The following TTC23 variants were observed in gnomAD, a reference collection of about 807,000 sequenced individuals.
TTC23 encodes the protein tetratricopeptide repeat protein 23.
Under a neutral mutation model 55.1 loss-of-function variants are expected in TTC23, and 58 were observed. The ratio of observed to expected loss-of-function variants is 1.05; its 90% CI spans 0.85 to 1.31. The LOEUF (loss-of-function observed/expected upper bound fraction) is 1.31, where lower values mean the gene tolerates loss of function less well. TTC23 is among the 50% of genes most tolerant of loss of function. The pLI is 0.00. For missense variants in TTC23, 516 were observed against 534.4 expected (o/e 0.97, Z 0.34); for synonymous variants, 203 against 199.9 (o/e 1.02, Z -0.13).
chr15:99,237,068 G>A (rs1020836142), intron 3 of TTC23, among the ~76,000 whole-genome samples: 6 of 150,402 alleles, frequency 4.0e-5, no homozygotes, highest in African/African-American at 9.8e-5. Context: ...TGCAACCTTC[G>A]CCTCCTGGGT....
In TTC23 at chr15:99,200,098, T is replaced by TA. The variant is rs777609097; in HGVS notation, c.582-3dup. 29 of 1,568,714 alleles carry TA rather than the reference T, an allele frequency of 1.8e-5. No homozygotes were observed. In the Admixed American group the frequency reaches 3.4e-4, roughly 18 times the overall value. The stretch of plus-strand genomic sequence containing the variant: ...GACTTCTTCTGACCTTGATACACCC[T>TA]AAAAAAATCAAAGGAATTATTTTAT... On this transcript the variant is annotated splice_region_variant and splice_polypyrimidine_tract_variant and intron_variant, in intron 8 of 13. Transcript: ENST00000394132.
intron 12 of TTC23, among the ~76,000 whole-genome samples, chr15:99,142,536 CTG>C (rs1404804580): frequency 1.3e-5 from 2 of 152,138 alleles, no homozygotes; most frequent in East Asian, 3.8e-4. Flanking sequence ...TTTACTGACA[CTG>C]TAACAGTTAG....
chr15:99,195,979 C>T (rs1307447558), intron 9 of TTC23, among the ~76,000 whole-genome samples: 1 of 151,224 alleles, frequency 6.6e-6, no homozygotes, highest in East Asian at 1.9e-4. Flanking sequence ...CATGGTGAAA[C>T]CCTGTCTCTA....
intron 12 of TTC23, among the ~76,000 whole-genome samples, chr15:99,143,907 T>G (rs1555491601): frequency 6.6e-6 from 1 of 152,136 alleles, no homozygotes. Context: ...ACATGTAAGC[T>G]GGGGAGATTC....
intron 5 of TTC23, among the ~76,000 whole-genome samples, chr15:99,224,492 A>G (rs2078221502): frequency 6.6e-6 from 1 of 152,224 alleles, no homozygotes; most frequent in African/African-American, 2.4e-5. Context: ...GCTGCACAGT[A>G]TTTTATTATA....
At chr15:99,194,252 A>G (rs1374387929) in intron 9 of TTC23, among the ~76,000 whole-genome samples, 2 of 152,188 alleles carry the variant, frequency 1.3e-5, no homozygotes, top group Non-Finnish European at 2.9e-5. Context: ...TGACAAACTG[A>G]TTCTAAAGTT....
intron 8 of TTC23, among the ~76,000 whole-genome samples, chr15:99,216,856 C>T (rs1379206892): frequency 1.3e-5 from 2 of 152,242 alleles, no homozygotes; most frequent in East Asian, 3.9e-4. Context: ...ATATAAACCT[C>T]AGAAAAGCAA....
chr15:99,144,016 G>A (rs1311471306), intron 12 of TTC23, among the ~76,000 whole-genome samples: 2 of 152,226 alleles, frequency 1.3e-5, no homozygotes, highest in African/African-American at 2.4e-5. Context: ...TCCACTGGGT[G>A]TGTGGTGTGA....
intron 9 of TTC23, among the ~76,000 whole-genome samples, chr15:99,175,594 C>A (rs2073460216): frequency 6.6e-6 from 1 of 152,240 alleles, no homozygotes; most frequent in Admixed American, 6.5e-5. Context: ...CAGACCCCTC[C>A]TTTGTGCCTG....
intron 8 of TTC23, among the ~76,000 whole-genome samples, chr15:99,201,679 G>C (rs1313306123): frequency 6.6e-6 from 1 of 152,070 alleles, no homozygotes; most frequent in South Asian, 2.1e-4. Flanking sequence ...AAGACTTCAG[G>C]GACTAAGGAG....
intron 12 of TTC23, among the ~76,000 whole-genome samples, chr15:99,144,170 T>C (rs1295854926): frequency 3.3e-5 from 5 of 152,182 alleles, no homozygotes; most frequent in African/African-American, 1.2e-4. Flanking sequence ...AGAATTCTTT[T>C]TGACATGACC....
At chr15:99,170,639 C>A (rs900441491) in intron 10 of TTC23, among the ~76,000 whole-genome samples, 1 of 152,206 alleles carries the variant, frequency 6.6e-6, no homozygotes, top group African/African-American at 2.4e-5. Flanking sequence ...CACAAAGATA[C>A]GTTGCAAATT....
At chr15:99,198,078 T>G (rs2075892692) in intron 9 of TTC23, among the ~76,000 whole-genome samples, 1 of 152,170 alleles carries the variant, frequency 6.6e-6, no homozygotes, top group African/African-American at 2.4e-5. Flanking sequence ...TTCTTTTCTC[T>G]CTCCATCAAC....
chr15:99,168,336 C>G (rs1030221825), intron 10 of TTC23, among the ~76,000 whole-genome samples: 1 of 152,210 alleles, frequency 6.6e-6, no homozygotes, highest in African/African-American at 2.4e-5. Flanking sequence ...CCATTGGGAT[C>G]TGCCTGCCTT....
intron 12 of TTC23, chr15:99,155,808 A>C (rs1363504625): frequency 2.9e-6 from 1 of 349,470 alleles, no homozygotes; most frequent in Non-Finnish European, 5.1e-6. Context: ...AATTTAAAGA[A>C]GAATGACAAT....
rs8024435 is a variant in TTC23, at chr15:99,139,617, T to A, written c.1144-218A>T. Reference sequence around the variant, plus strand: ...CAGTTTTAGCACTATTTCACAAAACTCTCTGTGACTATCTGTATGCAAAAA... The same window carrying A: ...CAGTTTTAGCACTATTTCACAAAACACTCTGTGACTATCTGTATGCAAAAA... On this transcript the variant is annotated intron_variant, in intron 12 of 13. Coordinates refer to ENST00000394132, the MANE Select transcript of TTC23 (RefSeq NM_001288615.3). 11,205 of 1,519,572 alleles carry A rather than the reference T, an allele frequency of 7.4e-3. 652 individuals are homozygous for A. The African/African-American group carries it at 0.14, about 18-fold the overall frequency. The allele number at this position is 1,519,572 out of a possible 1,614,324, so 94.1% of individuals were successfully genotyped here.
chr15:99,193,954 A>C (rs2075471393), intron 9 of TTC23, among the ~76,000 whole-genome samples: 1 of 151,982 alleles, frequency 6.6e-6, no homozygotes, highest in South Asian at 2.1e-4. Context: ...GGTTGCAGTG[A>C]GCTGAGATTG....
chr15:99,145,882 G>C (rs1555493002), intron 12 of TTC23, among the ~76,000 whole-genome samples: 1 of 152,094 alleles, frequency 6.6e-6, no homozygotes, highest in African/African-American at 2.4e-5. Flanking sequence ...AAGGAGAAAG[G>C]GGGTGAGGTC....
intron 9 of TTC23, among the ~76,000 whole-genome samples, chr15:99,186,372 T>TTC (rs1277208346): frequency 5.9e-5 from 9 of 152,218 alleles, no homozygotes; most frequent in African/African-American, 2.2e-4. Flanking sequence ...ACCAAGGTAT[T>TTC]TCTTTAATAA....
Sources: gnomAD v4.1 joint callset for allele counts (sites outside exome capture counted in the v4.1 genomes callset) on GRCh38, gnomAD v4.1.1 for gene constraint, MANE v1.5 for transcripts, NCBI Gene and HGNC (gene_info 2026-07-23, HGNC 2026-07-21) for gene names.